Variants in CNTNAP2 observed in about 807,000 individuals in gnomAD.
CNTNAP2 encodes contactin associated protein 2.
Under a neutral mutation model 155.2 loss-of-function variants are expected in CNTNAP2, and 98 were observed. That is an observed-to-expected ratio of 0.63 (90% CI 0.54 to 0.75). The LOEUF (loss-of-function observed/expected upper bound fraction) is 0.75, where lower values mean the gene tolerates loss of function less well. Among genes scored for constraint, CNTNAP2 ranks in the 30% least tolerant of loss-of-function variants. The pLI is 0.00. For missense variants in CNTNAP2, 1,727 were observed against 1,688.1 expected (o/e 1.02, Z -0.40); for synonymous variants, 651 against 631.2 (o/e 1.03, Z -0.47).
At chr7:147,733,513 G>A (rs1357356383) in intron 13 of CNTNAP2, among the ~76,000 whole-genome samples, 3 of 152,106 alleles carry the variant, frequency 2.0e-5, no homozygotes, top group Admixed American at 6.5e-5. Context: ...GCTCTTTTTG[G>A]TTCCATATGA....
At chr7:146,632,590 C>A (rs1024455869) in intron 1 of CNTNAP2, among the ~76,000 whole-genome samples, 2 of 151,786 alleles carry the variant, frequency 1.3e-5, no homozygotes, top group African/African-American at 4.8e-5. Flanking sequence ...TCAACATTTT[C>A]TGAACAAAAA....
At chr7:147,626,820 C>T (rs9886240) in intron 12 of CNTNAP2, among the ~76,000 whole-genome samples, 4 of 152,010 alleles carry the variant, frequency 2.6e-5, no homozygotes, top group East Asian at 1.9e-4. Context: ...AGTTCCTGAG[C>T]GTGTCCCTGT....
At chr7:147,110,121 C>T (rs1418958588) in intron 5 of CNTNAP2, among the ~76,000 whole-genome samples, 1 of 151,986 alleles carries the variant, frequency 6.6e-6, no homozygotes, top group African/African-American at 2.4e-5. Flanking sequence ...GATGGGGTTT[C>T]ACCATGTTGG....
rs564482964 is a variant in CNTNAP2, at chr7:146,313,146, A to G, written c.97+196173A>G. Among the ~76,000 whole-genome samples, 5 of 152,314 alleles carry G rather than the reference A, an allele frequency of 3.3e-5. No homozygotes were observed. In the East Asian group the frequency reaches 9.6e-4, roughly 29 times the overall value. ...AGTTACTCCCATGCTATTTTCCAAAATAGGTGTACTAATATACTTTCCCAT... is the reference window on the plus strand; with the variant it reads ...AGTTACTCCCATGCTATTTTCCAAAGTAGGTGTACTAATATACTTTCCCAT... On this transcript the variant is annotated intron_variant, in intron 1 of 23. Coordinates refer to ENST00000361727, the MANE Select transcript of CNTNAP2 (RefSeq NM_014141.6).
chr7:146,429,459 T>A (rs1563080650), intron 1 of CNTNAP2, among the ~76,000 whole-genome samples: 1 of 152,176 alleles, frequency 6.6e-6, no homozygotes, highest in Non-Finnish European at 1.5e-5. Flanking sequence ...GTTAGTTGTA[T>A]TCCTAGGTAT....
chr7:147,519,157 T>A (rs1302082326), intron 11 of CNTNAP2, among the ~76,000 whole-genome samples: 1 of 151,842 alleles, frequency 6.6e-6, no homozygotes, highest in Non-Finnish European at 1.5e-5. Flanking sequence ...CTGAAACGGG[T>A]CTCACTAGGT....
chr7:147,298,145 G>A (rs893764729), intron 8 of CNTNAP2, among the ~76,000 whole-genome samples: 1 of 152,060 alleles, frequency 6.6e-6, no homozygotes, highest in African/African-American at 2.4e-5. Context: ...AATGTGCTCA[G>A]TGGCCAGGCG....
chr7:146,398,278 T>C (rs1205322565), intron 1 of CNTNAP2, among the ~76,000 whole-genome samples: 1 of 150,078 alleles, frequency 6.7e-6, no homozygotes, highest in African/African-American at 2.5e-5. Context: ...GACTCACACT[T>C]CCACAGGGCT....
At chr7:146,935,646 A>T (rs1371059659) in intron 3 of CNTNAP2, among the ~76,000 whole-genome samples, 1 of 152,202 alleles carries the variant, frequency 6.6e-6, no homozygotes, top group Non-Finnish European at 1.5e-5. Flanking sequence ...CAGATTTTAA[A>T]TTCTCTTGTG....
chr7:146,237,181 T>C (rs1311451809), intron 1 of CNTNAP2, among the ~76,000 whole-genome samples: 1 of 152,140 alleles, frequency 6.6e-6, no homozygotes, highest in Non-Finnish European at 1.5e-5. Context: ...GCAGGGAAGT[T>C]CTGTGGCCTT....
chr7:146,580,294 T>C (rs533224022), intron 1 of CNTNAP2, among the ~76,000 whole-genome samples: 1 of 152,286 alleles, frequency 6.6e-6, no homozygotes, highest in African/African-American at 2.4e-5. Context: ...TTGTTTTTTA[T>C]TGAAGTTTGC....
chr7:148,001,349 C>A (rs997056464), intron 15 of CNTNAP2, among the ~76,000 whole-genome samples: 1 of 152,210 alleles, frequency 6.6e-6, no homozygotes, highest in Non-Finnish European at 1.5e-5. Flanking sequence ...CATGGCTCTA[C>A]ACTGCGTCGA....
At chr7:146,869,382 T>C (rs529624424) in intron 3 of CNTNAP2, among the ~76,000 whole-genome samples, 268 of 152,276 alleles carry the variant, frequency 1.8e-3, no homozygotes, top group African/African-American at 6.3e-3. Flanking sequence ...TACTTGATCA[T>C]GGTAGATTCG....
chr7:146,701,054 A>AG (rs1176080081), intron 1 of CNTNAP2, among the ~76,000 whole-genome samples: 1 of 125,976 alleles, frequency 7.9e-6, no homozygotes, highest in East Asian at 2.1e-4. Flanking sequence ...CTGAAAAAAA[A>AG]AAGTAGATCA....
chr7:148,225,143 C>A (rs1795823174), intron 19 of CNTNAP2, among the ~76,000 whole-genome samples: 1 of 152,314 alleles, frequency 6.6e-6, no homozygotes, highest in East Asian at 1.9e-4. Flanking sequence ...AACAAAAATT[C>A]TTGCTCTCAT....
chr7:148,128,324 T>G (rs1165470539), intron 16 of CNTNAP2, among the ~76,000 whole-genome samples: 3 of 152,208 alleles, frequency 2.0e-5, no homozygotes, highest in African/African-American at 7.2e-5. Context: ...TGGTCATTAC[T>G]ATACATAAGA....
chr7:147,979,869 C>T (rs367625147), intron 15 of CNTNAP2, among the ~76,000 whole-genome samples: 13 of 152,230 alleles, frequency 8.5e-5, no homozygotes, highest in East Asian at 1.9e-4. Flanking sequence ...GTGATCCACA[C>T]GCCTCGGCCT....
intron 1 of CNTNAP2, among the ~76,000 whole-genome samples, chr7:146,710,549 C>A (rs777227158): frequency 3.3e-5 from 5 of 152,096 alleles, no homozygotes; most frequent in Non-Finnish European, 4.4e-5. Flanking sequence ...AGTTTTATTT[C>A]ACTTATTTAA....
At chr7:147,786,050 G>A (rs949903891) in intron 13 of CNTNAP2, among the ~76,000 whole-genome samples, 2 of 152,078 alleles carry the variant, frequency 1.3e-5, no homozygotes, top group African/African-American at 4.8e-5. Flanking sequence ...CCCACACTTT[G>A]GAAGGCTGAG....
Sources: allele counts gnomAD v4.1 joint callset (sites outside exome capture counted in the v4.1 genomes callset), GRCh38; gene constraint gnomAD v4.1.1; transcripts MANE v1.5; gene names NCBI Gene and HGNC (gene_info 2026-07-23, HGNC 2026-07-21).